SVEP1: variants seen among roughly 807,000 people sequenced by gnomAD.
The protein encoded by SVEP1 is sushi, von Willebrand factor type A, EGF and pentraxin domain containing 1.
Under a neutral mutation model 367.3 loss-of-function variants are expected in SVEP1, and 164 were observed. That is an observed-to-expected ratio of 0.45 (90% CI 0.39 to 0.51). The LOEUF is 0.51. SVEP1 is among the 20% of genes least tolerant of loss of function. The pLI is 0.00. For synonymous variants in SVEP1, 1,666 were observed against 1,611.6 expected (o/e 1.03, Z -0.81); for missense variants, 4,117 against 4,425.3 (o/e 0.93, Z 1.98).
intron 3 of SVEP1, among the ~76,000 whole-genome samples, chr9:110,516,127 A>ATTATAATATACTAAATCT (rs1829799734): frequency 6.7e-6 from 1 of 150,134 alleles, no homozygotes; most frequent in African/African-American, 2.4e-5. Context: ...ATACTAAATC[A>ATTATAATATACTAAATCT]TTATAATATA....
chr9:110,508,760 CAAAAAA>C (rs11316319), intron 5 of SVEP1, among the ~76,000 whole-genome samples: 1 of 76,490 alleles, frequency 1.3e-5, no homozygotes, highest in Admixed American at 1.8e-4. Context: ...GACTCCATCT[CAAAAAA>C]AAAAAAAAAA....
chr9:110,560,387 C>T (rs1188230164), intron 1 of SVEP1, among the ~76,000 whole-genome samples: 1 of 152,182 alleles, frequency 6.6e-6, no homozygotes, highest in African/African-American at 2.4e-5. Flanking sequence ...GACTGTACAT[C>T]AAAATGTTGA....
intron 40 of SVEP1, among the ~76,000 whole-genome samples, chr9:110,398,847 A>C (rs186653416): frequency 1.8e-3 from 269 of 152,338 alleles, no homozygotes; most frequent in African/African-American, 6.1e-3. Flanking sequence ...AGGAAACAAC[A>C]GGTGCTAGAG....
In SVEP1 at chr9:110,430,444, A is replaced by G; in HGVS notation, c.5360T>C (p.Ile1787Thr). The G allele has an allele frequency of 3.7e-6, 6 of 1,609,604 alleles. No homozygotes were observed. Among genetic ancestry groups the G allele is most frequent in the Non-Finnish European group, 5.1e-6 (6 of 1,177,786 alleles). ...TGDGKNCAEP[I>T]KCKAPGNPEN... The stretch of plus-strand genomic sequence containing the variant: ...CGGATTTCCTGGAGCCTTACATTTT[A>G]TAGGTTCTAGAAACAGACAGTTTTG... Residue 1787 changes from isoleucine to threonine, a missense_variant, in exon 33 of 48, where the codon ATA becomes ACA. Around this residue, in one of 4 missense-constraint regions of SVEP1, gnomAD observed 2,174 missense variants for 2,494.3 expected, o/e 0.87. Transcript: ENST00000374469.
rs368027292 is a variant in SVEP1 at position 110,375,380 on chromosome 9, G to A, written c.10588C>T (p.Arg3530Cys). ...CDCPPGWTGS[R>C]CHTAVCQSPC... ...GAAAGAGGCCTACCTGTATGACAGC[G>A]AGACCCCGTCCAGCCAGGCGGGCAG... The change falls in exon 46 of 48, where the codon CGC (arginine) becomes TGC (cysteine). Residue 3530 changes from arginine to cysteine, a missense_variant. Physicochemically the swap from Arg to Cys is radical, Grantham distance 180. Transcript: ENST00000374469. The A allele has an allele frequency of 4.1e-5, 62 of 1,523,200 alleles. No individual in the cohort carries two copies. The highest frequency in any genetic ancestry group is 3.2e-4 in the Admixed American group (16 of 49,488). 94.4% of individuals were successfully genotyped at this position (1,523,200 alleles called of 1,614,324 possible). A position where few individuals can be genotyped will look rare whatever the true frequency, so the allele number is the denominator to read the frequency against.
At chr9:110,409,061 A>G in intron 37 of SVEP1, 110 bp from the exon 38 acceptor site, 1 of 1,182,088 alleles carries the variant, frequency 8.5e-7, no homozygotes, top group East Asian at 2.5e-5. Flanking sequence ...AAATGAATCA[A>G]TTAGGAAGTA....
intron 35 of SVEP1, among the ~76,000 whole-genome samples, 160 bp downstream of exon 35, chr9:110,428,983 C>G (rs1344556575): frequency 6.6e-6 from 1 of 152,116 alleles, no homozygotes; most frequent in South Asian, 2.1e-4. Flanking sequence ...GTGGGAGGAT[C>G]GCTTGAGCCT....
chr9:110,514,760 T>C (rs1485625888), intron 3 of SVEP1, among the ~76,000 whole-genome samples: 2 of 152,080 alleles, frequency 1.3e-5, no homozygotes, highest in African/African-American at 4.8e-5. Context: ...TGATCCTCAA[T>C]AGATAAAAAA....
At position 110,407,652 on chromosome 9, in the gene SVEP1, G is replaced by A. The variant is rs776685701; in HGVS notation, c.7948C>T (p.Pro2650Ser). ...MMEVPYVTPHPPYHLGAVAKT... is the reference protein window; with the variant it reads ...MMEVPYVTPHSPYHLGAVAKT... ...GCCACTGCTCCCAAATGATAAGGAGGGTGAGGAGTCACATATGGAACTTCC... is the reference window on the plus strand; with the variant it reads ...GCCACTGCTCCCAAATGATAAGGAGAGTGAGGAGTCACATATGGAACTTCC... Residue 2650 changes from proline (P) to serine (S), a missense_variant, in exon 38 of 48, where the codon CCT becomes TCT. Physicochemically the swap from Pro to Ser is moderately conservative, Grantham distance 74. Coordinates refer to ENST00000374469, the MANE Select transcript of SVEP1 (RefSeq NM_153366.4). 19 of 1,613,800 alleles carry A rather than the reference G, an allele frequency of 1.2e-5. No individual in the cohort carries two copies. Among genetic ancestry groups the A allele is most frequent in the Non-Finnish European group, 1.6e-5 (19 of 1,179,868 alleles).
chr9:110,524,319 G>C (rs1829914643), intron 3 of SVEP1, among the ~76,000 whole-genome samples: 2 of 152,046 alleles, frequency 1.3e-5, no homozygotes, highest in South Asian at 4.1e-4. Context: ...TCAAGCTAGT[G>C]TTACCCTGAT....
intron 22 of SVEP1, among the ~76,000 whole-genome samples, chr9:110,452,491 G>A (rs1054961851): frequency 3.3e-5 from 5 of 152,272 alleles, no homozygotes; most frequent in Non-Finnish European, 2.9e-5. Flanking sequence ...ATAGGCAGAC[G>A]GTGGAGAGGA....
intron 2 of SVEP1, among the ~76,000 whole-genome samples, chr9:110,548,687 C>G (rs1381719146): frequency 6.6e-6 from 1 of 152,152 alleles, no homozygotes; most frequent in African/African-American, 2.4e-5. Flanking sequence ...GAACTTAGAT[C>G]CAAACCTGTT....
chr9:110,370,444 A>G (rs1460147739), intron 46 of SVEP1, among the ~76,000 whole-genome samples: 2 of 152,190 alleles, frequency 1.3e-5, no homozygotes, highest in Non-Finnish European at 2.9e-5. Flanking sequence ...CGAGGGAGTT[A>G]GCATTGAACT....
chr9:110,515,910 T>C (rs998921120), intron 3 of SVEP1, among the ~76,000 whole-genome samples: 3 of 151,964 alleles, frequency 2.0e-5, no homozygotes, highest in African/African-American at 7.2e-5. Flanking sequence ...ATATTATTAA[T>C]CCCATTTGCA....
intron 11 of SVEP1, 58 bp from the exon 12 acceptor site, chr9:110,481,494 T>G: frequency 1.5e-6 from 2 of 1,291,486 alleles, no homozygotes; most frequent in Non-Finnish European, 2.0e-6. Context: ...TAAATTAAAT[T>G]CCAGGAGCTT....
chr9:110,394,581 G>A (rs1274815637), intron 40 of SVEP1, among the ~76,000 whole-genome samples: 1 of 152,092 alleles, frequency 6.6e-6, no homozygotes, highest in Non-Finnish European at 1.5e-5. Context: ...TCAAACGAAT[G>A]GCAAAGAAGT....
At chr9:110,520,750 A>T (rs1269951132) in intron 3 of SVEP1, among the ~76,000 whole-genome samples, 1 of 152,200 alleles carries the variant, frequency 6.6e-6, no homozygotes, top group Non-Finnish European at 1.5e-5. Context: ...TTCTCCTCAT[A>T]CATGTCTTAG....
At chr9:110,479,885 G>T in intron 12 of SVEP1, 129 bp from the exon 13 acceptor site, 1 of 1,319,584 alleles carries the variant, frequency 7.6e-7, no homozygotes, top group Non-Finnish European at 1.0e-6. Context: ...AAAAACAAGA[G>T]ATGACAGTTA....
chr9:110,495,220 G>A (rs1223564830), intron 8 of SVEP1, among the ~76,000 whole-genome samples: 1 of 151,972 alleles, frequency 6.6e-6, no homozygotes, highest in Non-Finnish European at 1.5e-5. Flanking sequence ...CTTCCCCCAT[G>A]TAGTAGGCTG....
Sources: allele counts gnomAD v4.1 joint callset (sites outside exome capture counted in the v4.1 genomes callset), GRCh38; gene constraint gnomAD v4.1.1; regional missense constraint gnomAD v4.1.1; transcripts MANE v1.5; gene names NCBI Gene and HGNC (gene_info 2026-07-23, HGNC 2026-07-21).